Variants in TRPM3 observed in about 807,000 individuals in gnomAD.
TRPM3 encodes the protein transient receptor potential cation channel subfamily M member 3, also known as long transient receptor potential channel 3.
Under a neutral mutation model 181.2 loss-of-function variants are expected in TRPM3, and 77 were observed. The ratio of observed to expected loss-of-function variants is 0.42; its 90% CI spans 0.35 to 0.51. The LOEUF is 0.51. Ranked by LOEUF, TRPM3 falls within the 20% of genes least tolerant of loss-of-function variation. The probability of loss-of-function intolerance (pLI) is 0.01; values close to 1 mark genes in which losing one functional copy is unlikely to be tolerated. For synonymous variants in TRPM3, 745 were observed against 796.4 expected (o/e 0.94, Z 1.09); for missense variants, 1,759 against 2,196.7 (o/e 0.80, Z 3.98).
At chr9:70,942,617 T>A (rs2096896807) in intron 1 of TRPM3, among the ~76,000 whole-genome samples, 2 of 152,204 alleles carry the variant, frequency 1.3e-5, no homozygotes, top group Non-Finnish European at 2.9e-5. Context: ...CTATGTAGCA[T>A]ATGCTTTCCG....
intron 1 of TRPM3, among the ~76,000 whole-genome samples, chr9:71,395,204 A>T (rs957219671): frequency 6.6e-6 from 1 of 152,166 alleles, no homozygotes; most frequent in Non-Finnish European, 1.5e-5. Flanking sequence ...TTCTCAATGA[A>T]ATTTCCCCCA....
At chr9:71,312,956 T>C (rs1267051802) in intron 1 of TRPM3, among the ~76,000 whole-genome samples, 1 of 152,132 alleles carries the variant, frequency 6.6e-6, no homozygotes, top group African/African-American at 2.4e-5. Context: ...CTCTGTATAG[T>C]ACTACAATGG....
rs142146497 is a variant in TRPM3 at position 70,552,866 on chromosome 9, C to A, written c.3552G>T (p.Pro1184=). The change falls in exon 24 of 26, where the codon CCG becomes CCT. Residue 1184 remains proline (P), a synonymous_variant. Transcript: ENST00000677713. The stretch of plus-strand genomic sequence containing the variant: ...TACTCAGGCCGTAGTCCCTTTCATC[C>A]GGGTCGCTCTCGTGTTTCCTCCATC... ...CCRWRKHESD[P]DERDYGLKLF... 2.5e-6 allele frequency: 4 copies of A among 1,613,964 alleles called. No individual in the cohort carries two copies. Among genetic ancestry groups the A allele is most frequent in the Non-Finnish European group, 2.5e-6 (3 of 1,180,004 alleles).
At chr9:71,168,513 T>TTC (rs1191777896) in intron 1 of TRPM3, among the ~76,000 whole-genome samples, 16 of 140,970 alleles carry the variant, frequency 1.1e-4, no homozygotes, top group Admixed American at 2.8e-4. Context: ...CATTTTTCTT[T>TTC]TTTTTTTTTT....
rs370009390 is a variant in TRPM3 at position 70,556,829 on chromosome 9, TG to T, written c.3224-3520del. ...TTCATCTGTAAAATGGGAGTAATAA[TG>T]GTATATTACTGTCAAGTAATGTACT... On this transcript the variant is annotated intron_variant, in intron 22 of 25. Coordinates refer to ENST00000677713, the MANE Select transcript of TRPM3 (RefSeq NM_001366145.2). Among the ~76,000 whole-genome samples the T allele has an allele frequency of 2.1e-3, 315 of 152,340 alleles. 1 individual carries two copies. Among genetic ancestry groups the T allele is most frequent in the African/African-American group, 7.4e-3 (306 of 41,582 alleles).
chr9:71,154,666 C>T (rs1273461751), intron 1 of TRPM3, among the ~76,000 whole-genome samples: 2 of 152,166 alleles, frequency 1.3e-5, no homozygotes, highest in African/African-American at 4.8e-5. Context: ...ATTTGTACAT[C>T]ACCTTGGCAG....
intron 1 of TRPM3, among the ~76,000 whole-genome samples, chr9:70,937,776 G>T (rs1371868189): frequency 1.3e-5 from 2 of 150,008 alleles, no homozygotes; most frequent in Admixed American, 6.7e-5. Context: ...GGGCCAGAGA[G>T]CTCTAGCAAT....
chr9:71,142,089 G>A (rs2075137405), intron 1 of TRPM3, among the ~76,000 whole-genome samples: 1 of 152,132 alleles, frequency 6.6e-6, no homozygotes, highest in Non-Finnish European at 1.5e-5. Context: ...TAAAAACTTT[G>A]AAATGTTGAA....
At chr9:71,247,835 T>C (rs144161875) in intron 1 of TRPM3, among the ~76,000 whole-genome samples, 6 of 152,240 alleles carry the variant, frequency 3.9e-5, no homozygotes, top group Admixed American at 2.0e-4. Flanking sequence ...AATCATGAAA[T>C]AGGGTTTAAA....
At chr9:71,441,501 A>C (rs1445852294) in intron 1 of TRPM3, among the ~76,000 whole-genome samples, 2 of 152,210 alleles carry the variant, frequency 1.3e-5, no homozygotes, top group Admixed American at 1.3e-4. Flanking sequence ...AAAAGGAAAC[A>C]ACAATTCTTT....
chr9:71,192,381 T>TAAA (rs912509156), intron 1 of TRPM3, among the ~76,000 whole-genome samples: 7 of 151,814 alleles, frequency 4.6e-5, no homozygotes, highest in African/African-American at 1.4e-4. Context: ...AATAAATTAG[T>TAAA]AAAAAAATTT....
chr9:71,056,825 A>G (rs529859568), intron 1 of TRPM3, among the ~76,000 whole-genome samples: 17 of 151,980 alleles, frequency 1.1e-4, no homozygotes, highest in Non-Finnish European at 1.8e-4. Context: ...TGTTGTTTAG[A>G]CCACCCAGTG....
intron 1 of TRPM3, among the ~76,000 whole-genome samples, chr9:71,369,018 C>T (rs567029952): frequency 5.9e-5 from 9 of 152,088 alleles, no homozygotes; most frequent in African/African-American, 2.2e-4. Context: ...GCAGAAAATG[C>T]CATGCTTAGA....
chr9:70,884,653 A>C (rs956351940), intron 1 of TRPM3, among the ~76,000 whole-genome samples: 1 of 152,202 alleles, frequency 6.6e-6, no homozygotes, highest in Non-Finnish European at 1.5e-5. Flanking sequence ...CTATGCCTTT[A>C]GTTTTTGCAA....
In TRPM3 at chr9:70,591,146, G is replaced by A. The variant is rs746225465; in HGVS notation, c.3108C>T (p.Val1036=). The change falls in exon 22 of 26, where the codon GTC becomes GTT. Residue 1036 remains valine (V), a synonymous_variant. Coordinates refer to ENST00000677713, the MANE Select transcript of TRPM3 (RefSeq NM_001366145.2). ...IMLVVLMSFG[V]ARQAILFPNE... ...TGGGAAAAAGGATGGCTTGCCTGGC[G>A]ACCCCAAAGCTCATCAGAACCACCA... is the stretch of plus-strand genomic sequence containing the variant. 23 of 1,613,940 alleles carry A rather than the reference G, an allele frequency of 1.4e-5. No homozygotes were observed. The highest frequency in any genetic ancestry group is 1.1e-4 in the African/African-American group (8 of 74,900).
At chr9:70,904,298 A>G (rs533330967) in intron 1 of TRPM3, among the ~76,000 whole-genome samples, 5 of 152,328 alleles carry the variant, frequency 3.3e-5, no homozygotes, top group South Asian at 4.1e-4. Flanking sequence ...CCCAAATCAT[A>G]ATGATATTTG....
In TRPM3 at chr9:71,298,199, A is replaced by G. The variant is rs571172510; in HGVS notation, c.183+148454T>C. Among the ~76,000 whole-genome samples the G allele has an allele frequency of 2.7e-4, 41 of 152,324 alleles. 1 individual carries two copies. In the South Asian group the frequency reaches 6.8e-3, roughly 25 times the overall value. On this transcript the variant is annotated intron_variant, in intron 1 of 24. Coordinates refer to the TRPM3 transcript ENST00000357533. Reference sequence around the variant, plus strand: ...GGGGTGTCACTATAAATATCAGAGCAGAATATAAGATATATTCGACCTTGT... The same window carrying G: ...GGGGTGTCACTATAAATATCAGAGCGGAATATAAGATATATTCGACCTTGT...
chr9:71,405,547 C>T (rs1198443596), intron 1 of TRPM3, among the ~76,000 whole-genome samples: 1 of 152,114 alleles, frequency 6.6e-6, no homozygotes, highest in Non-Finnish European at 1.5e-5. Context: ...ACAGATGTGT[C>T]TCTTCCTTTA....
intron 1 of TRPM3, among the ~76,000 whole-genome samples, chr9:70,883,518 A>G (rs2096032053): frequency 1.3e-5 from 2 of 152,202 alleles, no homozygotes; most frequent in South Asian, 2.1e-4. Flanking sequence ...CAAGTGGCCT[A>G]TGAAAGACTG....
Sources: allele counts gnomAD v4.1 joint callset (sites outside exome capture counted in the v4.1 genomes callset), GRCh38; gene constraint gnomAD v4.1.1; transcripts MANE v1.5; gene names NCBI Gene and HGNC (gene_info 2026-07-23, HGNC 2026-07-21).